OAS2: variants seen among roughly 807,000 people sequenced by gnomAD.
OAS2 encodes the protein 2'-5'-oligoadenylate synthetase 2.
Under a neutral mutation model 71.3 loss-of-function variants are expected in OAS2, and 67 were observed. That is an observed-to-expected ratio of 0.94 (90% CI 0.77 to 1.15). The LOEUF (loss-of-function observed/expected upper bound fraction) is 1.15, where lower values mean the gene tolerates loss of function less well. Ranked by LOEUF, OAS2 falls within the 50% of genes most tolerant of loss-of-function variation. The pLI, the probability that OAS2 is intolerant of heterozygous loss-of-function variation, is 0.00. For synonymous variants in OAS2, 327 were observed against 321.8 expected (o/e 1.02, Z -0.17); for missense variants, 789 against 822.5 (o/e 0.96, Z 0.50).
intron 1 of OAS2, among the ~76,000 whole-genome samples, chr12:112,985,624 G>C (rs535144050): frequency 1.3e-5 from 2 of 152,228 alleles, no homozygotes; most frequent in South Asian, 2.1e-4. Flanking sequence ...TTAATATCAT[G>C]GTTTTGAATT....
intron 7 of OAS2, 122 bp downstream of exon 7, chr12:113,005,344 G>A: frequency 1.1e-6 from 1 of 947,674 alleles, no homozygotes; most frequent in Non-Finnish European, 1.6e-6. Context: ...CCCAGCAAGT[G>A]GCATTAGTCA....
At chr12:113,004,086 T>C (rs930578126) in intron 6 of OAS2, among the ~76,000 whole-genome samples, 7 of 152,190 alleles carry the variant, frequency 4.6e-5, no homozygotes, top group African/African-American at 1.7e-4. Flanking sequence ...AGACATTGCT[T>C]TCCATCTTCC....
chr12:112,983,025 C>A (rs2044098087), intron 1 of OAS2, among the ~76,000 whole-genome samples: 1 of 152,062 alleles, frequency 6.6e-6, no homozygotes, highest in Non-Finnish European at 1.5e-5. Context: ...GTAATGTCTC[C>A]TTTTTTATCC....
At position 112,985,056 on chromosome 12, in the gene OAS2, C is replaced by T. The variant is rs530531684; in HGVS notation, c.178-1982C>T. Among the ~76,000 whole-genome samples, 3 of 152,198 alleles carry T rather than the reference C, an allele frequency of 2.0e-5. No individual in the cohort carries two copies. The South Asian group carries it at 6.2e-4, about 32-fold the overall frequency. ...GAATTCCCTTATATGTGACTTTATACTTTTGTCTTGCTATTTTCAGAATTA... is the reference window on the plus strand; with the variant it reads ...GAATTCCCTTATATGTGACTTTATATTTTTGTCTTGCTATTTTCAGAATTA... On this transcript the variant is annotated intron_variant, in intron 1 of 9. Coordinates refer to ENST00000392583, the MANE Select transcript of OAS2 (RefSeq NM_002535.3).
intron 2 of OAS2, 129 bp from the exon 3 acceptor site, chr12:112,995,167 C>T: frequency 1.3e-6 from 1 of 750,026 alleles, no homozygotes; most frequent in Non-Finnish European, 2.2e-6. Context: ...GTAAAGGTAC[C>T]TGTCCTCTGA....
chr12:112,988,238 A>T, intron 2 of OAS2: 1 of 984,896 alleles, frequency 1.0e-6, no homozygotes, highest in Non-Finnish European at 1.2e-6. Context: ...GTTAAGAAGA[A>T]AATTCTTGGC....
At chr12:112,981,847 A>T (rs1272855333) in intron 1 of OAS2, among the ~76,000 whole-genome samples, 1 of 152,176 alleles carries the variant, frequency 6.6e-6, no homozygotes, top group Admixed American at 6.6e-5. Context: ...ATCCATGAGC[A>T]TGGGATGTCT....
At chr12:112,982,642 TTG>T (rs969547856) in intron 1 of OAS2, among the ~76,000 whole-genome samples, 3 of 152,204 alleles carry the variant, frequency 2.0e-5, no homozygotes, top group African/African-American at 7.2e-5. Context: ...TTCTTTTTTG[TTG>T]TGTCTTTGGT....
At chr12:113,005,603 C>T (rs918001975) in intron 7 of OAS2, among the ~76,000 whole-genome samples, 2 of 151,396 alleles carry the variant, frequency 1.3e-5, no homozygotes, top group Non-Finnish European at 2.9e-5. Context: ...CATAGAGGCT[C>T]ACACCTGTAA....
chr12:113,008,806 T>C (rs987107822), intron 9 of OAS2, among the ~76,000 whole-genome samples: 1 of 152,072 alleles, frequency 6.6e-6, no homozygotes, highest in Non-Finnish European at 1.5e-5. Flanking sequence ...TTTGTATTTT[T>C]AGTAGAGATG....
chr12:113,009,405 A>T lies in OAS2; in HGVS notation c.*150A>T. On this transcript the variant is annotated 3_prime_UTR_variant, in exon 10 of 10. Coordinates refer to ENST00000392583, the MANE Select transcript of OAS2 (RefSeq NM_002535.3). ...GGTCAGCCCCCTAAGCCCCCACTAC[A>T]AGTGATCCTCAGGCAGGTAACCCCA... 1 of 1,475,132 alleles carries T rather than the reference A, an allele frequency of 6.8e-7. No homozygotes were observed. Among genetic ancestry groups the T allele is most frequent in the Non-Finnish European group, 8.9e-7 (1 of 1,117,592 alleles). The allele number at this position is 1,475,132 out of a possible 1,614,324, so 91.4% of individuals were successfully genotyped here.
At chr12:113,006,287 CT>C (rs1386617275) in intron 7 of OAS2, 125 bp from the exon 8 acceptor site, 1 of 771,086 alleles carries the variant, frequency 1.3e-6, no homozygotes, top group African/African-American at 1.7e-5. Context: ...AGACATCAGT[CT>C]TTTAAATATG....
In OAS2 at chr12:112,978,626, C is replaced by T. The variant is rs45562438; in HGVS notation, c.18C>T (p.Ser6=). 3,869 of 1,613,948 alleles carry T rather than the reference C, an allele frequency of 2.4e-3. 11 individuals carry two copies. Among genetic ancestry groups the T allele is most frequent in the Middle Eastern group, 7.3e-3 (44 of 6,062 alleles). Residue 6 remains serine (S), a synonymous_variant, in exon 1 of 10, where the codon TCC becomes TCT. Transcript: ENST00000392583. The surrounding 1 kb of genome is among the most constrained non-coding windows in gnomAD (Gnocchi z 4.2). MGNGE[S]QLSSVPAQKL... is the part of the protein sequence containing the mutation. ...TGAGAGCAATGGGAAATGGGGAGTC[C>T]CAGCTGTCCTCGGTGCCTGCTCAGA... is the stretch of plus-strand genomic sequence containing the variant.
intron 3 of OAS2, among the ~76,000 whole-genome samples, chr12:112,996,143 A>G (rs2044230588): frequency 6.6e-6 from 1 of 152,110 alleles, no homozygotes; most frequent in Non-Finnish European, 1.5e-5. Flanking sequence ...ATTCAATTGT[A>G]TTAATGTAAC....
intron 9 of OAS2, among the ~76,000 whole-genome samples, chr12:113,008,719 G>A (rs111639814): frequency 0.037 from 5,602 of 152,156 alleles, 346 homozygotes; most frequent in African/African-American, 0.13. Context: ...TCTGCCTCCC[G>A]GGTTCAAGCT....
intron 5 of OAS2, among the ~76,000 whole-genome samples, chr12:112,999,384 G>A (rs1211642911): frequency 2.0e-5 from 3 of 152,178 alleles, no homozygotes; most frequent in Non-Finnish European, 4.4e-5. Flanking sequence ...GAACCGCACT[G>A]GAGACAACTG....
intron 1 of OAS2, among the ~76,000 whole-genome samples, chr12:112,980,836 A>T (rs986862550): frequency 3.3e-5 from 5 of 152,158 alleles, no homozygotes; most frequent in African/African-American, 1.2e-4. Flanking sequence ...ATTCCCACCA[A>T]CAGTGTGTAA....
At chr12:112,982,869 T>G (rs1323529533) in intron 1 of OAS2, among the ~76,000 whole-genome samples, 1 of 152,194 alleles carries the variant, frequency 6.6e-6, no homozygotes, top group Non-Finnish European at 1.5e-5. Flanking sequence ...ATTGGTCTGT[T>G]CAGGTTTTCT....
chr12:113,002,557 G>A (rs942076402), intron 5 of OAS2, among the ~76,000 whole-genome samples: 1 of 152,214 alleles, frequency 6.6e-6, no homozygotes, highest in Non-Finnish European at 1.5e-5. Flanking sequence ...GGGAAGACAG[G>A]GAAGGACCAG....
Sources: gnomAD v4.1 joint callset for allele counts (sites outside exome capture counted in the v4.1 genomes callset) on GRCh38, gnomAD v4.1.1 for gene constraint, Gnocchi (gnomAD v3.1) non-coding constraint, MANE v1.5 for transcripts, NCBI Gene and HGNC (gene_info 2026-07-23, HGNC 2026-07-21) for gene names.